Variants in NMNAT2 observed in about 807,000 individuals in gnomAD.
NMNAT2 encodes nicotinamide/nicotinic acid mononucleotide adenylyltransferase 2.
Under a neutral mutation model 41.6 loss-of-function variants are expected in NMNAT2, and 11 were observed. The ratio of observed to expected loss-of-function variants is 0.26; its 90% confidence interval spans 0.17 to 0.44. NMNAT2 has a LOEUF of 0.44. NMNAT2 is among the 20% of genes least tolerant of loss of function. The pLI is 1.00. For missense variants in NMNAT2, 288 were observed against 407.7 expected, an observed-to-expected ratio of 0.71 and a Z score of 2.53; for synonymous variants, 148 against 151.2, an observed-to-expected ratio of 0.98 and a Z score of 0.16.
At chr1:183,372,673 C>T (rs1045209390) in intron 1 of NMNAT2, among the ~76,000 whole-genome samples, 1 of 152,184 alleles carries the variant, frequency 6.6e-6, no homozygotes, top group Non-Finnish European at 1.5e-5. Flanking sequence ...AGCAAAAATG[C>T]CCCCTCTCTT....
chr1:183,398,632 G>A (rs984488367), intron 1 of NMNAT2, among the ~76,000 whole-genome samples: 2 of 151,958 alleles, frequency 1.3e-5, no homozygotes, highest in African/African-American at 4.8e-5. Flanking sequence ...CACATCACAC[G>A]TATTCCAAAA....
intron 1 of NMNAT2, among the ~76,000 whole-genome samples, chr1:183,407,998 C>G (rs1649008226): frequency 6.6e-6 from 1 of 152,136 alleles, no homozygotes; most frequent in Non-Finnish European, 1.5e-5. Context: ...GGCCATTTAC[C>G]CAGTCAGCCA....
chr1:183,325,113 A>G (rs992873966), intron 1 of NMNAT2, among the ~76,000 whole-genome samples: 1 of 152,154 alleles, frequency 6.6e-6, no homozygotes, highest in East Asian at 1.9e-4. Context: ...AGGGTTTCCC[A>G]TTTTGCCAAT....
chr1:183,312,955 T>A (rs1434684842), intron 1 of NMNAT2, among the ~76,000 whole-genome samples: 1 of 152,226 alleles, frequency 6.6e-6, no homozygotes, highest in African/African-American at 2.4e-5. Context: ...CATTTTCTTG[T>A]AATTATTCAA....
chr1:183,313,730 C>T (rs1293748710), intron 1 of NMNAT2, among the ~76,000 whole-genome samples: 4 of 152,218 alleles, frequency 2.6e-5, no homozygotes, highest in African/African-American at 9.6e-5. Flanking sequence ...AAGTGATCTG[C>T]CTGCCTTGGC....
Position 183,332,557 on chromosome 1 carries a change from A to G in NMNAT2, c.86-38764T>C, listed in dbSNP as rs534616233. On this transcript the variant is annotated intron_variant, in intron 1 of 10. Coordinates refer to ENST00000287713, the MANE Select transcript of NMNAT2 (RefSeq NM_015039.4). ...GAGAAAAGGCTTAAAATGAGGTTTG[A>G]GATTTATAGGAACACATGGGTTGAA... Among the ~76,000 whole-genome samples the G allele has an allele frequency of 5.9e-5, 9 of 152,292 alleles. No individual in the cohort carries two copies. In the South Asian group the frequency reaches 1.7e-3, roughly 28 times the overall value.
chr1:183,375,099 A>G (rs897294775), intron 1 of NMNAT2, among the ~76,000 whole-genome samples: 2 of 152,128 alleles, frequency 1.3e-5, no homozygotes, highest in Non-Finnish European at 2.9e-5. Flanking sequence ...CAATCACCAC[A>G]GCTTCCTAAC....
intron 1 of NMNAT2, among the ~76,000 whole-genome samples, chr1:183,295,869 AGG>A (rs1308884604): frequency 6.6e-6 from 1 of 152,060 alleles, no homozygotes; most frequent in Non-Finnish European, 1.5e-5. Flanking sequence ...TTTCTTTGAG[AGG>A]AAGTCTCGCT....
chr1:183,291,901 A>G (rs929389701), intron 3 of NMNAT2, among the ~76,000 whole-genome samples: 6 of 152,202 alleles, frequency 3.9e-5, no homozygotes, highest in Non-Finnish European at 5.9e-5. Context: ...TTCTCACACA[A>G]ATCACTGCGC....
chr1:183,286,566 C>A, intron 5 of NMNAT2, 96 bp downstream of exon 5: 2 of 1,066,834 alleles, frequency 1.9e-6, no homozygotes, highest in Non-Finnish European at 2.7e-6. Flanking sequence ...CTCAGACCTA[C>A]TGAATCAAGT....
At chr1:183,267,586 AG>A (rs1334425714) in intron 8 of NMNAT2, among the ~76,000 whole-genome samples, 1 of 152,154 alleles carries the variant, frequency 6.6e-6, no homozygotes, top group African/African-American at 2.4e-5. Flanking sequence ...AGCAAGAATA[AG>A]GACATTCCCC....
At chr1:183,282,104 G>C (rs1247467386) in intron 7 of NMNAT2, among the ~76,000 whole-genome samples, 1 of 152,258 alleles carries the variant, frequency 6.6e-6, no homozygotes, top group East Asian at 1.9e-4. Flanking sequence ...TCTGACAGCT[G>C]TGGCTGCTGA....
chr1:183,354,414 T>C (rs1300296559), intron 1 of NMNAT2, among the ~76,000 whole-genome samples: 3 of 143,156 alleles, frequency 2.1e-5, no homozygotes, highest in Non-Finnish European at 4.6e-5. Context: ...AATGTCTTTT[T>C]TTTTTTTTTT....
rs543159053 is a variant in NMNAT2, at chr1:183,391,976, C to T, written c.85+26207G>A. On this transcript the variant is annotated intron_variant, in intron 1 of 10. Transcript: ENST00000287713. ...CATGGCAGTGCCCCAGGATTCAGTC[C>T]TTGACCTCTTCTCCAATGCATTCAC... is the stretch of plus-strand genomic sequence containing the variant. 5.9e-5 allele frequency among the ~76,000 whole-genome samples: 9 copies of T among 152,324 alleles called. No homozygotes were observed. In the South Asian group the frequency reaches 1.9e-3, roughly 32 times the overall value.
intron 1 of NMNAT2, among the ~76,000 whole-genome samples, chr1:183,341,614 G>A (rs1662804528): frequency 6.9e-6 from 1 of 145,346 alleles, no homozygotes; most frequent in Non-Finnish European, 1.5e-5. Context: ...AGGATTGCTT[G>A]AGCCTGGGAG....
At chr1:183,335,214 T>C (rs754930338) in intron 1 of NMNAT2, among the ~76,000 whole-genome samples, 1 of 152,226 alleles carries the variant, frequency 6.6e-6, no homozygotes, top group African/African-American at 2.4e-5. Context: ...TTCCTTCTTC[T>C]TGTTAGATCC....
intron 3 of NMNAT2, among the ~76,000 whole-genome samples, chr1:183,291,416 G>A (rs1025533544): frequency 6.6e-6 from 1 of 152,154 alleles, no homozygotes; most frequent in Non-Finnish European, 1.5e-5. Context: ...GAGCGCACCT[G>A]TGCCGGAAAC....
intron 7 of NMNAT2, among the ~76,000 whole-genome samples, chr1:183,280,546 C>A (rs780398906): frequency 2.0e-5 from 3 of 151,848 alleles, no homozygotes; most frequent in Non-Finnish European, 2.9e-5. Context: ...TGCCACCACA[C>A]CTGGCTAATT....
At chr1:183,401,824 C>A (rs1196043024) in intron 1 of NMNAT2, among the ~76,000 whole-genome samples, 1 of 150,426 alleles carries the variant, frequency 6.6e-6, no homozygotes, top group Non-Finnish European at 1.5e-5. Flanking sequence ...GACAGGAAAC[C>A]AAACACCACC....
Sources: allele counts gnomAD v4.1 joint callset (sites outside exome capture counted in the v4.1 genomes callset), GRCh38; gene constraint gnomAD v4.1.1; transcripts MANE v1.5; gene names NCBI Gene and HGNC (gene_info 2026-07-23, HGNC 2026-07-21).